GRHL3: variants seen among roughly 807,000 people sequenced by gnomAD.
The protein encoded by GRHL3 is grainyhead-like protein 3 homolog.
A neutral mutation model predicts 70.3 loss-of-function variants in GRHL3; 20 were observed. The ratio of observed to expected loss-of-function variants is 0.28; its 90% confidence interval spans 0.20 to 0.41. GRHL3 has a LOEUF of 0.41. GRHL3 is among the 10% of genes least tolerant of loss of function. The pLI is 1.00. For missense variants in GRHL3, 637 were observed against 762.3 expected (o/e 0.84, Z 1.94); for synonymous variants, 299 against 299.9 (o/e 1.00, Z 0.03).
At chr1:24,364,247 C>T (rs1158230326) in exon 16 of GRHL3, 3 of 1,548,530 alleles carry the variant, frequency 1.9e-6, no homozygotes, top group Non-Finnish European at 2.6e-6. Flanking sequence ...CTTGAATGTT[C>T]CCATCCTGTG....
intron 15 of GRHL3, among the ~76,000 whole-genome samples, chr1:24,361,466 A>T (rs1641111333): frequency 6.6e-6 from 1 of 152,134 alleles, no homozygotes; most frequent in African/African-American, 2.4e-5. Flanking sequence ...TATGGACTCA[A>T]TGGGAAGAGG....
rs1557688881 is a variant in GRHL3 at position 24,322,727 on chromosome 1, C to T, written c.17+3159C>T. 1.3e-5 allele frequency among the ~76,000 whole-genome samples: 2 copies of T among 152,230 alleles called. No homozygotes were observed. Among genetic ancestry groups the T allele is most frequent in the African/African-American group, 2.4e-5 (1 of 41,464 alleles). ...CCACCGGAGGAGTGAAGAGGGAAAA[C>T]GGGGCTGAAACCCAGATGGGATCAT... is the stretch of plus-strand genomic sequence containing the variant. On this transcript the variant is annotated intron_variant, in intron 1 of 15. Coordinates refer to ENST00000361548, the MANE Select transcript of GRHL3 (RefSeq NM_198173.3). The surrounding 1 kb of genome is among the most constrained non-coding windows in gnomAD (Gnocchi z 4.4).
intron 2 of GRHL3, among the ~76,000 whole-genome samples, chr1:24,332,961 A>C (rs1639665274): frequency 6.6e-6 from 1 of 152,156 alleles, no homozygotes. Context: ...AGGAGTTTGA[A>C]TGGCTGCCTT....
intron 15 of GRHL3, among the ~76,000 whole-genome samples, chr1:24,351,384 A>C (rs1640499472): frequency 6.7e-6 from 1 of 148,722 alleles, no homozygotes; most frequent in African/African-American, 2.6e-5. Context: ...GAAGGTGTCC[A>C]TCCCTGCAGC....
intron 15 of GRHL3, among the ~76,000 whole-genome samples, chr1:24,363,706 G>T (rs1438713749): frequency 2.6e-5 from 4 of 152,200 alleles, no homozygotes; most frequent in African/African-American, 9.7e-5. Context: ...AAAGCAGAGA[G>T]AAAGAGACAG....
chr1:24,360,343 G>A (rs1353526486), intron 15 of GRHL3, among the ~76,000 whole-genome samples: 1 of 152,178 alleles, frequency 6.6e-6, no homozygotes, highest in Non-Finnish European at 1.5e-5. Context: ...CAGCTACTTG[G>A]GAGGCTGAGG....
At chr1:24,330,461 C>T (rs980389638) in intron 1 of GRHL3, among the ~76,000 whole-genome samples, 1 of 152,210 alleles carries the variant, frequency 6.6e-6, no homozygotes, top group African/African-American at 2.4e-5. Flanking sequence ...CTTCAGTTTC[C>T]TCCACTGTAT....
intron 8 of GRHL3, among the ~76,000 whole-genome samples, chr1:24,341,120 C>T (rs767075453): frequency 4.6e-5 from 7 of 152,108 alleles, no homozygotes; most frequent in African/African-American, 9.7e-5. Flanking sequence ...GGCCAGCCTG[C>T]GTCGGGGGGA....
rs760761693 is a variant in GRHL3, at chr1:24,337,814, G to A, written c.840+25G>A. 4.3e-6 allele frequency: 7 copies of A among 1,613,778 alleles called. No individual in the cohort carries two copies. In the African/African-American group the frequency reaches 9.3e-5, roughly 22 times the overall value. ...GGTGCGTTGGCCTGGAGCAGCTTCA[G>A]AAGGGGTGGAATGGGGCAAGATATA... On this transcript the variant is annotated intron_variant, in intron 6 of 15. Transcript: ENST00000361548.
In GRHL3 at chr1:24,354,556, A is replaced by G. The variant is rs151053447; in HGVS notation, c.*68A>G. ...GCAGGGACGTGGCCCCACGCCACAC[A>G]CAACCTCTCCACATGCCTCAGCGCT... On this transcript the variant is annotated 3_prime_UTR_variant, in exon 16 of 16. Coordinates refer to ENST00000361548, the MANE Select transcript of GRHL3 (RefSeq NM_198173.3). 1.2e-4 allele frequency: 113 copies of G among 964,284 alleles called. 1 individual carries two copies. The East Asian group carries it at 2.8e-3, about 24-fold the overall frequency. 59.7% of individuals were successfully genotyped at this position (964,284 alleles called of 1,614,324 possible). A position where few individuals can be genotyped will look rare whatever the true frequency, so the allele number is the denominator to read the frequency against.
intron 3 of GRHL3, among the ~76,000 whole-genome samples, chr1:24,335,052 CACACACACACAG>C (rs978281186): frequency 6.8e-6 from 1 of 147,708 alleles, no homozygotes; most frequent in African/African-American, 2.7e-5. Context: ...CACACACACA[CACACACACACAG>C]ACACACACCC....
chr1:24,358,666 T>C (rs1322136941), downstream of GRHL3: 2 of 1,446,040 alleles, frequency 1.4e-6, no homozygotes, highest in Admixed American at 1.7e-5. Context: ...AAAAGGCCCA[T>C]TGCTGCAGTC....
intron 15 of GRHL3, chr1:24,361,018 G>A: frequency 6.2e-7 from 1 of 1,611,744 alleles, no homozygotes; most frequent in Non-Finnish European, 8.5e-7. Flanking sequence ...AGGCTGAGCA[G>A]AGAAGTTCAG....
Position 24,344,485 on chromosome 1 carries a change from GAAAAAAAAA to G in GRHL3, c.1420-391_1420-383del, listed in dbSNP as rs57193515. ...CAGCCTGGGAGACTCTTTCCCCCCA[GAAAAAAAAA>G]AAAAAAAAAAAAAAAAAAAAGCCCT... On this transcript the variant is annotated intron_variant, in intron 11 of 15. Coordinates refer to ENST00000361548, the MANE Select transcript of GRHL3 (RefSeq NM_198173.3). Among the ~76,000 whole-genome samples the G allele has an allele frequency of 7.2e-5, 4 of 55,774 alleles. No homozygotes were observed. In the South Asian group the frequency reaches 3.1e-3, roughly 43 times the overall value. The allele number at this position is 55,774 out of a possible 152,430, so 36.6% of individuals were successfully genotyped here. A position where few individuals can be genotyped will look rare whatever the true frequency, so the allele number is the denominator to read the frequency against.
intron 15 of GRHL3, among the ~76,000 whole-genome samples, chr1:24,351,079 T>C (rs1010266536): frequency 2.0e-5 from 3 of 152,320 alleles, no homozygotes; most frequent in Non-Finnish European, 4.4e-5. Flanking sequence ...CCCTGGGAAA[T>C]GCACTCCTAG....
intron 1 of GRHL3, among the ~76,000 whole-genome samples, chr1:24,325,685 A>G (rs193156619): frequency 6.6e-6 from 1 of 152,304 alleles, no homozygotes; most frequent in East Asian, 1.9e-4. Flanking sequence ...AGCAGCTGGC[A>G]CCACACCCCT....
intron 7 of GRHL3, among the ~76,000 whole-genome samples, chr1:24,338,553 T>C (rs1159533661): frequency 6.6e-6 from 1 of 152,248 alleles, no homozygotes; most frequent in African/African-American, 2.4e-5. Context: ...CCCTCAAGTC[T>C]TCAGCTTCTG....
intron 14 of GRHL3, among the ~76,000 whole-genome samples, 153 bp from the exon 15 acceptor site, chr1:24,349,905 T>G (rs1197694826): frequency 6.6e-6 from 1 of 152,178 alleles, no homozygotes; most frequent in Admixed American, 6.5e-5. Flanking sequence ...AGAAACAGGA[T>G]TATAGATGAT....
At chr1:24,320,929 G>A (rs1038298068) in intron 1 of GRHL3, among the ~76,000 whole-genome samples, 1 of 152,232 alleles carries the variant, frequency 6.6e-6, no homozygotes, top group Non-Finnish European at 1.5e-5. Flanking sequence ...ACCTCATGGG[G>A]TTGTTAGAGG....
Sources: gnomAD v4.1 joint callset for allele counts (sites outside exome capture counted in the v4.1 genomes callset) on GRCh38, gnomAD v4.1.1 for gene constraint, Gnocchi (gnomAD v3.1) non-coding constraint, MANE v1.5 for transcripts, NCBI Gene and HGNC (gene_info 2026-07-23, HGNC 2026-07-21) for gene names.